DCC: variants seen among roughly 807,000 people sequenced by gnomAD.
DCC encodes netrin receptor DCC.
In DCC, 58 loss-of-function variants were observed where a neutral mutation model predicts 172.5. That is an observed-to-expected ratio of 0.34 (90% CI 0.27 to 0.42). The LOEUF (loss-of-function observed/expected upper bound fraction) is 0.42, where lower values mean the gene tolerates loss of function less well. DCC is among the 10% of genes least tolerant of loss of function. The probability of loss-of-function intolerance (pLI) is 1.00; values close to 1 mark genes in which losing one functional copy is unlikely to be tolerated. For synonymous variants in DCC, 709 were observed against 644.5 expected (o/e 1.10, Z -1.52); for missense variants, 1,740 against 1,791.0 (o/e 0.97, Z 0.51).
intron 5 of DCC, among the ~76,000 whole-genome samples, chr18:53,025,753 A>G (rs778568796): frequency 3.3e-5 from 5 of 151,428 alleles, no homozygotes; most frequent in Non-Finnish European, 7.4e-5. Flanking sequence ...ATATAAGATT[A>G]AATGGGCAGA....
At chr18:53,528,918 G>A (rs2046488581) in intron 28 of DCC, among the ~76,000 whole-genome samples, 1 of 151,680 alleles carries the variant, frequency 6.6e-6, no homozygotes, top group African/African-American at 2.4e-5. Context: ...ATTATACAAT[G>A]AAATCTAGAC....
intron 19 of DCC, among the ~76,000 whole-genome samples, chr18:53,407,601 T>C (rs1015866296): frequency 2.7e-5 from 4 of 147,700 alleles, no homozygotes; most frequent in Admixed American, 6.8e-5. Flanking sequence ...AACTTTTACA[T>C]AGATAAAAAC....
intron 9 of DCC, among the ~76,000 whole-genome samples, chr18:53,184,219 C>A (rs1294946755): frequency 1.3e-5 from 2 of 152,046 alleles, no homozygotes; most frequent in Non-Finnish European, 1.5e-5. Context: ...ATTAACCTCT[C>A]CTTAGCATTT....
intron 12 of DCC, among the ~76,000 whole-genome samples, chr18:53,241,298 C>T (rs532311627): frequency 1.3e-5 from 2 of 152,186 alleles, no homozygotes; most frequent in Admixed American, 1.3e-4. Context: ...AGAAAACAAG[C>T]CGAGATGAAA....
intron 1 of DCC, among the ~76,000 whole-genome samples, chr18:52,503,252 T>C (rs945907722): frequency 6.6e-6 from 1 of 152,136 alleles, no homozygotes; most frequent in African/African-American, 2.4e-5. Context: ...ACTGTTAAAC[T>C]AGGACACTCT....
chr18:52,810,553 A>T (rs952802887), intron 2 of DCC, among the ~76,000 whole-genome samples: 6 of 152,124 alleles, frequency 3.9e-5, no homozygotes, highest in Admixed American at 2.6e-4. Context: ...GGACATAGGG[A>T]TGTTCCCCCT....
At chr18:52,479,825 T>C (rs2029885542) in intron 1 of DCC, among the ~76,000 whole-genome samples, 1 of 152,114 alleles carries the variant, frequency 6.6e-6, no homozygotes, top group African/African-American at 2.4e-5. Flanking sequence ...AATTTCTTTT[T>C]TTCTCTCTCG....
chr18:52,723,728 G>C (rs2036507910), intron 1 of DCC, among the ~76,000 whole-genome samples: 1 of 152,146 alleles, frequency 6.6e-6, no homozygotes, highest in Non-Finnish European at 1.5e-5. Context: ...CAGCCAAGTA[G>C]ACTAATGCAA....
chr18:52,806,055 T>C lies in DCC; in HGVS notation c.412+53681T>C, dbSNP rs114514367. 1.6e-3 allele frequency among the ~76,000 whole-genome samples: 245 copies of C among 152,336 alleles called. 1 individual carries two copies. The highest frequency in any genetic ancestry group is 5.7e-3 in the African/African-American group (236 of 41,570). ...GCATATTTGAAATATACCCCTTAAC[T>C]GTTAACATTGACACCAGTGGTAAGA... is the stretch of plus-strand genomic sequence containing the variant. On this transcript the variant is annotated intron_variant, in intron 2 of 28. Coordinates refer to ENST00000442544, the MANE Select transcript of DCC (RefSeq NM_005215.4).
chr18:53,322,271 A>G, intron 14 of DCC, 114 bp downstream of exon 14: 1 of 709,284 alleles, frequency 1.4e-6, no homozygotes, highest in Non-Finnish European at 2.6e-6. Context: ...TTCTTACTAT[A>G]TGTTCACATG....
At chr18:52,480,169 A>G (rs1217322659) in intron 1 of DCC, among the ~76,000 whole-genome samples, 1 of 152,176 alleles carries the variant, frequency 6.6e-6, no homozygotes, top group Non-Finnish European at 1.5e-5. Flanking sequence ...CTCTTCTACC[A>G]TCTTTACTAT....
chr18:52,480,074 G>T (rs919988402), intron 1 of DCC, among the ~76,000 whole-genome samples: 3 of 152,102 alleles, frequency 2.0e-5, no homozygotes, highest in Non-Finnish European at 4.4e-5. Flanking sequence ...AATGATGAAG[G>T]AATTTGCCCA....
chr18:53,399,053 A>G (rs1411516857), intron 18 of DCC, among the ~76,000 whole-genome samples: 1 of 152,146 alleles, frequency 6.6e-6, no homozygotes, highest in Non-Finnish European at 1.5e-5. Flanking sequence ...AGTGACTGGA[A>G]ATTTTTTGAA....
At position 53,529,030 on chromosome 18, in the gene DCC, T is replaced by A. The variant is rs1317079048; in HGVS notation, c.4255-1534T>A. Among the ~76,000 whole-genome samples the A allele has an allele frequency of 3.5e-3, 230 of 65,398 alleles. 2 individuals are homozygous for A. Among genetic ancestry groups the A allele is most frequent in the African/African-American group, 0.018 (221 of 12,628 alleles). The allele number at this position is 65,398 out of a possible 152,430, so 42.9% of individuals were successfully genotyped here. Reference sequence around the variant, plus strand: ...CTCTCTCTCTCTCTCTCTCTCTCTCTCTCTCTCTCACACACACACACACAC... The same window carrying A: ...CTCTCTCTCTCTCTCTCTCTCTCTCACTCTCTCTCACACACACACACACAC... On this transcript the variant is annotated intron_variant, in intron 28 of 28. Coordinates refer to ENST00000442544, the MANE Select transcript of DCC (RefSeq NM_005215.4).
At chr18:53,298,440 A>G (rs1002022978) in intron 12 of DCC, among the ~76,000 whole-genome samples, 1 of 145,990 alleles carries the variant, frequency 6.8e-6, no homozygotes, top group Admixed American at 7.0e-5. Flanking sequence ...AGGTGGAAGG[A>G]TCACTTGAAC....
intron 15 of DCC, among the ~76,000 whole-genome samples, chr18:53,351,443 G>GTA (rs10671545): frequency 0.014 from 449 of 31,882 alleles, 30 homozygotes; most frequent in Admixed American, 0.038. Flanking sequence ...TATATACAGT[G>GTA]TATATATATA....
intron 25 of DCC, among the ~76,000 whole-genome samples, chr18:53,471,769 A>C (rs986513363): frequency 6.6e-6 from 1 of 152,242 alleles, no homozygotes; most frequent in African/African-American, 2.4e-5. Flanking sequence ...TCTCTATTCA[A>C]CTACCACCTT....
intron 1 of DCC, among the ~76,000 whole-genome samples, chr18:52,750,499 T>C (rs1324547746): frequency 6.6e-6 from 1 of 152,182 alleles, no homozygotes; most frequent in Non-Finnish European, 1.5e-5. Context: ...TTATATTAAT[T>C]CAAGCAAAGT....
At chr18:52,425,374 C>T (rs759024437) in intron 1 of DCC, among the ~76,000 whole-genome samples, 7 of 152,058 alleles carry the variant, frequency 4.6e-5, no homozygotes, top group African/African-American at 9.7e-5. Context: ...TGTCTCCTTG[C>T]GTTAGACTGG....
Sources: gnomAD v4.1 joint callset for allele counts (sites outside exome capture counted in the v4.1 genomes callset) on GRCh38, gnomAD v4.1.1 for gene constraint, MANE v1.5 for transcripts, NCBI Gene and HGNC (gene_info 2026-07-23, HGNC 2026-07-21) for gene names.